The following C5orf34 variants were observed in gnomAD, a reference collection of about 807,000 sequenced individuals.
C5orf34 encodes chromosome 5 open reading frame 34.
In C5orf34, 73 loss-of-function variants were observed where a neutral mutation model predicts 78.4. The ratio of observed to expected loss-of-function variants is 0.93; its 90% CI spans 0.77 to 1.13. The LOEUF (loss-of-function observed/expected upper bound fraction) is 1.13. C5orf34 is among the 50% of genes most tolerant of loss of function. The pLI is 0.00. For missense variants in C5orf34, 730 were observed against 732.7 expected (o/e 1.00, Z 0.04); for synonymous variants, 251 against 246.6 (o/e 1.02, Z -0.17).
At chr5:43,494,671 C>G (rs1375014555) in intron 6 of C5orf34, 70 bp from the exon 7 acceptor site, 1 of 790,092 alleles carries the variant, frequency 1.3e-6, no homozygotes, top group Non-Finnish European at 2.1e-6. Context: ...GCTGCTTTTC[C>G]TTGAAATATG....
chr5:43,511,274 C>T (rs1380661875), intron 1 of C5orf34: 5 of 172,234 alleles, frequency 2.9e-5, no homozygotes, highest in South Asian at 1.3e-4. Context: ...GTGAGGAGCC[C>T]CTCCGCCCGG....
chr5:43,497,498 C>T lies in C5orf34; in HGVS notation c.1153-2897G>A, dbSNP rs143178519. ...AAGAGAGTGCAGCTCATACTCTTTA[C>T]CATTAGGGGAAGAAGAGGGGCTTCA... On this transcript the variant is annotated intron_variant, in intron 6 of 12. Transcript: ENST00000306862. Among the ~76,000 whole-genome samples, 43 of 152,088 alleles carry T rather than the reference C, an allele frequency of 2.8e-4. 1 individual carries two copies. The East Asian group carries it at 8.1e-3, about 29-fold the overall frequency.
chr5:43,487,038 A>G lies in C5orf34; in HGVS notation c.1794T>C (p.Tyr598=), dbSNP rs752984794. The G allele has an allele frequency of 1.3e-6, 2 of 1,590,840 alleles. No homozygotes were observed. The highest frequency in any genetic ancestry group is 1.7e-6 in the Non-Finnish European group (2 of 1,168,674). Residue 598 remains tyrosine (Y), a synonymous_variant, in exon 13 of 13, where the codon TAT becomes TAC. Transcript: ENST00000306862. ...KKNEQQSFDH[Y]KPGSSETLLG... ...GCAAGGTTTCTGAAGATCCTGGTTT[A>G]TAATGATCAAAAGACTGTTGTTCAT...
At position 43,509,125 on chromosome 5, in the gene C5orf34, TACGTGA is replaced by T. The variant is rs774076873; in HGVS notation, c.195+14_195+19del. ...GTCTCTAAAAAACAAAAAAGTTGTT[TACGTGA>T]TATCTTTACTTACTCTGTAAGTGCT... On this transcript the variant is annotated intron_variant, in intron 2 of 12. Coordinates refer to ENST00000306862, the MANE Select transcript of C5orf34 (RefSeq NM_198566.4). The T allele has an allele frequency of 3.1e-6, 5 of 1,596,548 alleles. No homozygotes were observed. The East Asian group carries it at 1.1e-4, about 36-fold the overall frequency.
intron 6 of C5orf34, among the ~76,000 whole-genome samples, chr5:43,501,008 G>C (rs1164891366): frequency 6.6e-6 from 1 of 152,186 alleles, no homozygotes; most frequent in African/African-American, 2.4e-5. Context: ...GCACACAAAG[G>C]TTGGAGAGTG....
intron 6 of C5orf34, 30 bp from the exon 7 acceptor site, chr5:43,494,631 TTAA>T: frequency 6.9e-7 from 1 of 1,439,552 alleles, no homozygotes; most frequent in East Asian, 2.3e-5. Context: ...AAAAATTTCA[TTAA>T]TAATAAATTT....
At chr5:43,493,277 T>G (rs573916093) in intron 8 of C5orf34, among the ~76,000 whole-genome samples, 2 of 152,218 alleles carry the variant, frequency 1.3e-5, no homozygotes, top group East Asian at 1.9e-4. Flanking sequence ...TTATAATGAC[T>G]AATGATTTTA....
At chr5:43,496,851 T>C (rs1745550858) in intron 6 of C5orf34, among the ~76,000 whole-genome samples, 1 of 152,150 alleles carries the variant, frequency 6.6e-6, no homozygotes. Flanking sequence ...ATTACAGGCA[T>C]GAGCCACTGT....
intron 6 of C5orf34, chr5:43,495,814 T>C: frequency 6.3e-7 from 1 of 1,579,544 alleles, no homozygotes; most frequent in South Asian, 1.1e-5. Context: ...TACGGGTGGC[T>C]TTCCATCCCT....
At chr5:43,499,083 T>C (rs1442124873) in intron 6 of C5orf34, among the ~76,000 whole-genome samples, 1 of 152,144 alleles carries the variant, frequency 6.6e-6, no homozygotes, top group African/African-American at 2.4e-5. Flanking sequence ...ATTAAGAAAA[T>C]GTCACCCAAT....
chr5:43,495,907 G>A, intron 6 of C5orf34: 1 of 1,592,788 alleles, frequency 6.3e-7, no homozygotes, highest in Non-Finnish European at 8.6e-7. Flanking sequence ...CTGTGTCAGG[G>A]TTGTAACCAA....
At position 43,509,240 on chromosome 5, in the gene C5orf34, A is replaced by C. The variant is rs1480003550; in HGVS notation, c.100T>G (p.Phe34Val). The change falls in exon 2 of 13, where the codon TTT (phenylalanine) becomes GTT (valine). Residue 34 changes from phenylalanine to valine, a missense_variant. Phe to Val is a conservative substitution (Grantham distance 50). Transcript: ENST00000306862. ...TLQLSPCGSE[F>V]LFEKSPPVSA... Reference sequence around the variant, plus strand: ...ACAGGTGGTGACTTTTCAAATAAAAATTCAGAGCCACAGGGAGAAAGTTGC... The same window carrying C: ...ACAGGTGGTGACTTTTCAAATAAAACTTCAGAGCCACAGGGAGAAAGTTGC... 2 of 1,614,220 alleles carry C rather than the reference A, an allele frequency of 1.2e-6. No individual in the cohort carries two copies. Among genetic ancestry groups the C allele is most frequent in the Non-Finnish European group, 1.7e-6 (2 of 1,180,014 alleles).
intron 11 of C5orf34, among the ~76,000 whole-genome samples, chr5:43,488,876 G>A (rs1473287897): frequency 2.0e-5 from 3 of 152,064 alleles, no homozygotes; most frequent in African/African-American, 4.8e-5. Context: ...CAAGTCACCA[G>A]AAAAATCTTC....
Position 43,487,118 on chromosome 5 carries a change from T to C in C5orf34, c.1721-7A>G. On this transcript the variant is annotated splice_region_variant and splice_polypyrimidine_tract_variant and intron_variant, in intron 12 of 12. Coordinates refer to ENST00000306862, the MANE Select transcript of C5orf34 (RefSeq NM_198566.4). ...CCACTATTTTCTAGTAGCACTAAGT[T>C]GCTTAGTTAAGGAGGTTTTCCCCAC... 1 of 1,480,074 alleles carries C rather than the reference T, an allele frequency of 6.8e-7. No homozygotes were observed. Among genetic ancestry groups the C allele is most frequent in the South Asian group, 1.4e-5 (1 of 72,170 alleles). 91.7% of individuals were successfully genotyped at this position (1,480,074 alleles called of 1,614,324 possible).
In C5orf34 at chr5:43,505,938, G is replaced by C; in HGVS notation, c.742C>G (p.Pro248Ala). The C allele has an allele frequency of 6.2e-7, 1 of 1,614,058 alleles. No homozygotes were observed. The highest frequency in any genetic ancestry group is 8.5e-7 in the Non-Finnish European group (1 of 1,180,002). ...GACAAAGGATATTTCCATTCCTCTG[G>C]ACAGGCAGCCACAGACCAGCACTGC... ...VKQCWSVAAC[P>A]EEWKYPLSLA... Residue 248 changes from proline (P) to alanine (A), a missense_variant, in exon 4 of 13, where the codon CCA (proline) becomes GCA (alanine). Coordinates refer to ENST00000306862, the MANE Select transcript of C5orf34 (RefSeq NM_198566.4).
chr5:43,487,969 AAATT>A lies in C5orf34; in HGVS notation c.1680-24_1680-21del. 6.3e-7 allele frequency: 1 copy of A among 1,590,040 alleles called. No homozygotes were observed. The highest frequency in any genetic ancestry group is 8.6e-7 in the Non-Finnish European group (1 of 1,165,430). On this transcript the variant is annotated intron_variant, in intron 11 of 12. Coordinates refer to ENST00000306862, the MANE Select transcript of C5orf34 (RefSeq NM_198566.4). Reference sequence around the variant, plus strand: ...ACAGACCTGTCCAAGGAAAAAGAAAAAATTCATTCAGTTGTCTGATTCTTTTGTA... The same window carrying A: ...ACAGACCTGTCCAAGGAAAAAGAAAACATTCAGTTGTCTGATTCTTTTGTA...
intron 4 of C5orf34, 22 bp from the exon 5 acceptor site, chr5:43,503,782 C>A: frequency 6.8e-7 from 1 of 1,474,904 alleles, no homozygotes; most frequent in Non-Finnish European, 9.5e-7. Context: ...AAAATACAAG[C>A]TATTACTTCT....
chr5:43,490,415 C>CTTTAAA (rs1469863687), intron 11 of C5orf34: 2 of 348,764 alleles, frequency 5.7e-6, no homozygotes, highest in African/African-American at 4.2e-5. Flanking sequence ...GTTTTCTTAC[C>CTTTAAA]TTTAGGTAAA....
intron 1 of C5orf34, among the ~76,000 whole-genome samples, 171 bp from the exon 2 acceptor site, chr5:43,509,546 CTTAA>C (rs1450411238): frequency 1.3e-5 from 2 of 151,950 alleles, no homozygotes; most frequent in Non-Finnish European, 2.9e-5. Flanking sequence ...AACAAAATGC[CTTAA>C]TTAACCCCTA....
Sources: gnomAD v4.1 joint callset for allele counts (sites outside exome capture counted in the v4.1 genomes callset) on GRCh38, gnomAD v4.1.1 for gene constraint, MANE v1.5 for transcripts, NCBI Gene and HGNC (gene_info 2026-07-23, HGNC 2026-07-21) for gene names.